ASAP1: variants seen among roughly 807,000 people sequenced by gnomAD.
ASAP1 encodes the protein ArfGAP with SH3 domain, ankyrin repeat and PH domain 1.
A neutral mutation model predicts 145.2 loss-of-function variants in ASAP1; 43 were observed. That is an observed-to-expected ratio of 0.30 (90% CI 0.23 to 0.38). ASAP1 has a LOEUF of 0.38. ASAP1 is among the 10% of genes least tolerant of loss of function. The pLI is 1.00. For missense variants in ASAP1, 1,018 were observed against 1,355.3 expected (o/e 0.75, Z 3.91); for synonymous variants, 546 against 515.5 (o/e 1.06, Z -0.80).
chr8:130,096,275 T>C (rs879932261), intron 24 of ASAP1, among the ~76,000 whole-genome samples: 7 of 152,206 alleles, frequency 4.6e-5, no homozygotes, highest in Non-Finnish European at 8.8e-5. Context: ...GGATCTTTTA[T>C]GCAAAATAAA....
intron 24 of ASAP1, 28 bp downstream of exon 24, chr8:130,112,066 A>G (rs1374444619): frequency 1.3e-6 from 2 of 1,586,794 alleles, no homozygotes; most frequent in Admixed American, 1.7e-5. Context: ...TCGAGGATGG[A>G]GTCACAAGCC....
At chr8:130,385,007 T>C (rs200402852) in intron 2 of ASAP1, among the ~76,000 whole-genome samples, 1 of 152,294 alleles carries the variant, frequency 6.6e-6, no homozygotes, top group East Asian at 1.9e-4. Flanking sequence ...AGGCCGGGGC[T>C]TGAGGTCCAA....
At chr8:130,351,991 T>C (rs1826022910) in intron 3 of ASAP1, among the ~76,000 whole-genome samples, 1 of 152,222 alleles carries the variant, frequency 6.6e-6, no homozygotes, top group Non-Finnish European at 1.5e-5. Flanking sequence ...CTCACTGACC[T>C]TTGCTGGTTT....
At chr8:130,183,930 AAAG>A (rs1196770482) in intron 7 of ASAP1, among the ~76,000 whole-genome samples, 5 of 152,190 alleles carry the variant, frequency 3.3e-5, no homozygotes, top group Non-Finnish European at 5.9e-5. Context: ...TGTCTCCAGG[AAAG>A]AAGAAGCTGA....
intron 3 of ASAP1, among the ~76,000 whole-genome samples, chr8:130,241,994 A>G (rs1275444394): frequency 6.6e-6 from 1 of 152,144 alleles, no homozygotes; most frequent in Non-Finnish European, 1.5e-5. Flanking sequence ...GGCAGGAAAT[A>G]GTACATAACA....
intron 4 of ASAP1, among the ~76,000 whole-genome samples, chr8:130,232,193 A>G (rs1432048573): frequency 6.6e-6 from 1 of 152,220 alleles, no homozygotes; most frequent in African/African-American, 2.4e-5. Flanking sequence ...CATTCTATTC[A>G]TTAGAAGGGA....
intron 3 of ASAP1, among the ~76,000 whole-genome samples, chr8:130,300,505 T>C (rs1822598157): frequency 6.6e-6 from 1 of 152,304 alleles, no homozygotes; most frequent in Non-Finnish European, 1.5e-5. Flanking sequence ...TTTAAAACAC[T>C]GCTGCCTAGA....
intron 3 of ASAP1, among the ~76,000 whole-genome samples, chr8:130,261,097 C>T (rs1819869624): frequency 2.0e-5 from 3 of 152,126 alleles, no homozygotes; most frequent in African/African-American, 7.2e-5. Flanking sequence ...GGAAGCCATG[C>T]CAGTGAGACT....
chr8:130,341,467 C>T (rs1048786296), intron 3 of ASAP1, among the ~76,000 whole-genome samples: 9 of 152,152 alleles, frequency 5.9e-5, no homozygotes, highest in Non-Finnish European at 4.4e-5. Context: ...TCTTTCCCTT[C>T]GGCAGTAAAA....
At chr8:130,128,139 A>ATTTTTTTTTTTTT in intron 15 of ASAP1, 49 bp from the exon 16 acceptor site, 1 of 179,024 alleles carries the variant, frequency 5.6e-6, no homozygotes, top group Non-Finnish European at 7.1e-6. Flanking sequence ...GAGCATGGTC[A>ATTTTTTTTTTTTT]TTTTTTTTTT....
intron 3 of ASAP1, among the ~76,000 whole-genome samples, chr8:130,354,949 G>A (rs116413620): frequency 0.015 from 2,325 of 152,276 alleles, 30 homozygotes; most frequent in East Asian, 0.063. Flanking sequence ...GCAGTGGTGC[G>A]ATCTTGGCTC....
At chr8:130,093,882 G>T (rs904903391) in intron 24 of ASAP1, among the ~76,000 whole-genome samples, 6 of 151,820 alleles carry the variant, frequency 4.0e-5, no homozygotes, top group Admixed American at 3.9e-4. Context: ...TACCAATATT[G>T]ACTTAAACCA....
At chr8:130,133,169 A>G (rs1465381583) in intron 15 of ASAP1, among the ~76,000 whole-genome samples, 2 of 152,158 alleles carry the variant, frequency 1.3e-5, no homozygotes, top group Non-Finnish European at 2.9e-5. Context: ...AAAGTGAACA[A>G]TAATTGCCCA....
chr8:130,379,762 G>A lies in ASAP1; in HGVS notation c.60-21619C>T, dbSNP rs73425514. On this transcript the variant is annotated intron_variant, in intron 2 of 29. Transcript: ENST00000518721. ...TGCCATTCCTGCTGAGACACTCCCC[G>A]GGCCCTACTGCCACAGTGACACAAG... Among the ~76,000 whole-genome samples the A allele has an allele frequency of 5.9e-3, 896 of 152,226 alleles. 8 individuals are homozygous for A. Among genetic ancestry groups the A allele is most frequent in the African/African-American group, 0.021 (859 of 41,534 alleles).
At chr8:130,099,459 C>CA (rs1455658164) in intron 24 of ASAP1, among the ~76,000 whole-genome samples, 1 of 151,716 alleles carries the variant, frequency 6.6e-6, no homozygotes, top group Non-Finnish European at 1.5e-5. Context: ...GGATTACAGG[C>CA]ATGAGCCACT....
At chr8:130,225,343 A>G (rs1471387883) in intron 4 of ASAP1, among the ~76,000 whole-genome samples, 1 of 152,208 alleles carries the variant, frequency 6.6e-6, no homozygotes, top group East Asian at 1.9e-4. Context: ...TAAGCCTTCT[A>G]ATATTTAGTA....
chr8:130,430,815 G>A (rs72726223), intron 1 of ASAP1, among the ~76,000 whole-genome samples: 5,276 of 152,270 alleles, frequency 0.035, 125 homozygotes, highest in Middle Eastern at 0.082. Flanking sequence ...AGGCGTGAAG[G>A]GAGTCTTCTC....
chr8:130,118,432 C>G, intron 19 of ASAP1, 57 bp downstream of exon 19: 4 of 1,531,042 alleles, frequency 2.6e-6, no homozygotes, highest in Non-Finnish European at 2.7e-6. Flanking sequence ...AAATAAGTCA[C>G]CTTTTAAACT....
intron 2 of ASAP1, among the ~76,000 whole-genome samples, chr8:130,376,140 C>T (rs1240924880): frequency 2.0e-5 from 3 of 152,218 alleles, no homozygotes; most frequent in African/African-American, 7.2e-5. Context: ...TCCTCTCTCT[C>T]TGGTTGGGAG....
Sources: gnomAD v4.1 joint callset for allele counts (sites outside exome capture counted in the v4.1 genomes callset) on GRCh38, gnomAD v4.1.1 for gene constraint, MANE v1.5 for transcripts, NCBI Gene and HGNC (gene_info 2026-07-23, HGNC 2026-07-21) for gene names.